Variants in ADCY2 observed in about 807,000 individuals in gnomAD.
ADCY2 encodes adenylate cyclase 2.
ADCY2 carries 31 observed loss-of-function variants against 125.2 expected under a neutral mutation model. That is an observed-to-expected ratio of 0.25 (90% CI 0.19 to 0.33). The LOEUF (loss-of-function observed/expected upper bound fraction) is 0.33, where lower values mean the gene tolerates loss of function less well. Among genes scored for constraint, ADCY2 ranks in the 10% least tolerant of loss-of-function variants. The pLI, the probability that ADCY2 is intolerant of heterozygous loss-of-function variation, is 1.00. For missense variants in ADCY2, 904 were observed against 1,418.2 expected (o/e 0.64, Z 5.82); for synonymous variants, 512 against 548.4 (o/e 0.93, Z 0.93).
At chr5:7,773,894 G>A (rs1056108069) in intron 18 of ADCY2, among the ~76,000 whole-genome samples, 4 of 152,162 alleles carry the variant, frequency 2.6e-5, no homozygotes, top group African/African-American at 7.2e-5. Context: ...TAATCATTAT[G>A]ATACTTTCCA....
intron 2 of ADCY2, among the ~76,000 whole-genome samples, chr5:7,479,698 G>A (rs1245123194): frequency 6.6e-6 from 1 of 151,658 alleles, no homozygotes; most frequent in Non-Finnish European, 1.5e-5. Context: ...TATTCTTTAA[G>A]TAATTTTTGT....
At chr5:7,457,910 A>G (rs1335737279) in intron 2 of ADCY2, among the ~76,000 whole-genome samples, 1 of 152,236 alleles carries the variant, frequency 6.6e-6, no homozygotes, top group Non-Finnish European at 1.5e-5. Flanking sequence ...TCAAAATTTG[A>G]CTAATAATAG....
intron 3 of ADCY2, among the ~76,000 whole-genome samples, chr5:7,550,879 A>G (rs921934734): frequency 2.6e-5 from 4 of 152,156 alleles, no homozygotes; most frequent in African/African-American, 9.6e-5. Context: ...TGGACACTCC[A>G]TGGCATTCTC....
chr5:7,400,232 ATAAAG>A (rs1739213567), intron 1 of ADCY2, among the ~76,000 whole-genome samples: 1 of 152,226 alleles, frequency 6.6e-6, no homozygotes, highest in Admixed American at 6.5e-5. Flanking sequence ...AGTCAGAGAA[ATAAAG>A]TAGATTTTTT....
chr5:7,549,390 G>A (rs1283702896), intron 3 of ADCY2, among the ~76,000 whole-genome samples: 1 of 152,204 alleles, frequency 6.6e-6, no homozygotes, highest in East Asian at 1.9e-4. Flanking sequence ...CTGCTCAGAA[G>A]GGGCTCTGGT....
intron 4 of ADCY2, among the ~76,000 whole-genome samples, chr5:7,628,251 CT>C (rs951696725): frequency 6.6e-5 from 10 of 152,046 alleles, no homozygotes; most frequent in Non-Finnish European, 1.2e-4. Context: ...ACATGTTTAA[CT>C]TTTTTTTCAT....
chr5:7,813,255 C>G (rs1744999668), intron 22 of ADCY2, among the ~76,000 whole-genome samples: 1 of 152,180 alleles, frequency 6.6e-6, no homozygotes, highest in South Asian at 2.1e-4. Context: ...GCATAGAACA[C>G]AGGGCCAGAC....
At chr5:7,555,600 A>G (rs887074060) in intron 3 of ADCY2, among the ~76,000 whole-genome samples, 1 of 152,194 alleles carries the variant, frequency 6.6e-6, no homozygotes, top group Non-Finnish European at 1.5e-5. Context: ...ACAGGGAGCT[A>G]ATTTGAAAGA....
chr5:7,758,924 G>A (rs993212635), intron 16 of ADCY2, among the ~76,000 whole-genome samples: 8 of 152,186 alleles, frequency 5.3e-5, no homozygotes, highest in African/African-American at 1.7e-4. Flanking sequence ...GACCTTGAAT[G>A]TTTACATGGG....
chr5:7,825,656 G>A (rs1745453000), intron 24 of ADCY2, among the ~76,000 whole-genome samples: 1 of 152,240 alleles, frequency 6.6e-6, no homozygotes. Flanking sequence ...CTGGGTGGAG[G>A]AGCAGGTAGC....
intron 7 of ADCY2, among the ~76,000 whole-genome samples, chr5:7,699,081 A>T (rs1009720429): frequency 1.7e-3 from 65 of 37,950 alleles, no homozygotes; most frequent in South Asian, 5.7e-3. Context: ...AACAGTAAGC[A>T]TTTTTTTTTT....
intron 2 of ADCY2, among the ~76,000 whole-genome samples, chr5:7,455,882 CAT>C (rs987713396): frequency 1.4e-4 from 21 of 146,978 alleles, no homozygotes; most frequent in African/African-American, 3.5e-4. Flanking sequence ...AATTGCATAA[CAT>C]ATTATAACAA....
At chr5:7,777,657 C>T (rs1743776077) in intron 18 of ADCY2, among the ~76,000 whole-genome samples, 1 of 152,248 alleles carries the variant, frequency 6.6e-6, no homozygotes, top group South Asian at 2.1e-4. Flanking sequence ...TTCGTCATGG[C>T]TCCTATGGCA....
chr5:7,590,029 G>A (rs79805135), intron 3 of ADCY2, among the ~76,000 whole-genome samples: 216 of 152,186 alleles, frequency 1.4e-3, no homozygotes, highest in Non-Finnish European at 2.2e-3. Flanking sequence ...ACACTGGTAC[G>A]TCTGGCTGCT....
chr5:7,695,495 A>G (rs1740860266), intron 5 of ADCY2, among the ~76,000 whole-genome samples: 1 of 152,088 alleles, frequency 6.6e-6, no homozygotes. Context: ...TTCTTCTTTG[A>G]CTCAGTACAA....
At chr5:7,768,586 G>A (rs995569711) in intron 17 of ADCY2, among the ~76,000 whole-genome samples, 9 of 151,986 alleles carry the variant, frequency 5.9e-5, no homozygotes, top group South Asian at 2.1e-4. Context: ...TGTTTGAGCC[G>A]AACAACTCAC....
At chr5:7,759,335 G>T (rs1298698069) in intron 16 of ADCY2, among the ~76,000 whole-genome samples, 1 of 152,210 alleles carries the variant, frequency 6.6e-6, no homozygotes. Flanking sequence ...TGCCACCACA[G>T]CTACCTCCTC....
intron 2 of ADCY2, among the ~76,000 whole-genome samples, chr5:7,433,711 T>C (rs1740693407): frequency 6.6e-6 from 1 of 152,172 alleles, no homozygotes; most frequent in Admixed American, 6.5e-5. Context: ...AATTGTATTG[T>C]ATTGGCCTAG....
chr5:7,599,838 T>C (rs1737137676), intron 3 of ADCY2, among the ~76,000 whole-genome samples: 2 of 151,906 alleles, frequency 1.3e-5, no homozygotes, highest in Non-Finnish European at 2.9e-5. Flanking sequence ...ATGTCAAAAG[T>C]CTCCAAGAAA....
Sources: gnomAD v4.1 joint callset for allele counts (sites outside exome capture counted in the v4.1 genomes callset) on GRCh38, gnomAD v4.1.1 for gene constraint, MANE v1.5 for transcripts, NCBI Gene and HGNC (gene_info 2026-07-23, HGNC 2026-07-21) for gene names.